Variants in INTS9 observed in about 807,000 individuals in gnomAD.
The protein encoded by INTS9 is integrator complex subunit 9.
In INTS9, 55 loss-of-function variants were observed where a neutral mutation model predicts 79.7. The observed-to-expected ratio is 0.69, with a 90% confidence interval of 0.56 to 0.86. The LOEUF (loss-of-function observed/expected upper bound fraction) is 0.86. Ranked by LOEUF, INTS9 falls within the 40% of genes least tolerant of loss-of-function variation. INTS9 has a pLI of 0.00. For missense variants in INTS9, 721 were observed against 831.5 expected, an observed-to-expected ratio of 0.87 and a Z score of 1.64; for synonymous variants, 319 against 325.2, an observed-to-expected ratio of 0.98 and a Z score of 0.20.
At chr8:28,862,559 T>C (rs1808516982) in intron 1 of INTS9, among the ~76,000 whole-genome samples, 1 of 152,242 alleles carries the variant, frequency 6.6e-6, no homozygotes, top group Admixed American at 6.5e-5. Context: ...TTTTTTAAGA[T>C]GATTCCCAGA....
chr8:28,835,267 G>C (rs370422330), intron 6 of INTS9, 25 bp downstream of exon 6: 40 of 1,542,692 alleles, frequency 2.6e-5, no homozygotes, highest in Non-Finnish European at 3.3e-5. Context: ...ACAGTCTCTC[G>C]GTAAGAGAGT....
chr8:28,868,012 A>G (rs1404822894), intron 1 of INTS9, among the ~76,000 whole-genome samples: 1 of 152,214 alleles, frequency 6.6e-6, no homozygotes, highest in Non-Finnish European at 1.5e-5. Flanking sequence ...CTGGACAGTG[A>G]GCTCCGGAAT....
At chr8:28,798,113 A>G (rs558649002) in intron 8 of INTS9, 1 of 152,382 alleles carries the variant, frequency 6.6e-6, no homozygotes, top group Admixed American at 6.5e-5. Flanking sequence ...TATTTGCACA[A>G]GTATATTCAC....
intron 6 of INTS9, among the ~76,000 whole-genome samples, chr8:28,833,113 T>G (rs979969465): frequency 6.6e-6 from 1 of 152,238 alleles, no homozygotes; most frequent in Non-Finnish European, 1.5e-5. Flanking sequence ...AGGAGACTCA[T>G]GCTCAAGCTC....
chr8:28,858,487 A>G (rs1276846649), intron 2 of INTS9, among the ~76,000 whole-genome samples: 1 of 152,226 alleles, frequency 6.6e-6, no homozygotes, highest in African/African-American at 2.4e-5. Context: ...TTTTTGGGCA[A>G]TATCTGTGGG....
At chr8:28,858,402 GA>G (rs1808286604) in intron 2 of INTS9, among the ~76,000 whole-genome samples, 1 of 152,026 alleles carries the variant, frequency 6.6e-6, no homozygotes, top group African/African-American at 2.4e-5. Context: ...CTCTCTGGGG[GA>G]AAAAGACAAT....
intron 1 of INTS9, among the ~76,000 whole-genome samples, chr8:28,882,532 T>TAAAAAAAAAAAAAAAAAAA (rs369293166): frequency 4.0e-4 from 25 of 63,266 alleles, no homozygotes; most frequent in East Asian, 1.3e-3. Flanking sequence ...TATTAACAGC[T>TAAAAAAAAAAAAAAAAAAA]AAAAAAAAAA....
chr8:28,805,667 G>A (rs1429302321), intron 8 of INTS9, among the ~76,000 whole-genome samples: 2 of 152,148 alleles, frequency 1.3e-5, no homozygotes, highest in Non-Finnish European at 2.9e-5. Flanking sequence ...AGGGGAGATA[G>A]GGGAGATGAG....
chr8:28,868,582 T>C (rs1563309606), intron 1 of INTS9, among the ~76,000 whole-genome samples: 1 of 152,238 alleles, frequency 6.6e-6, no homozygotes, highest in African/African-American at 2.4e-5. Context: ...CATAAAGTAC[T>C]AGTTCTAACT....
intron 8 of INTS9, among the ~76,000 whole-genome samples, chr8:28,803,947 A>C (rs1228355536): frequency 6.6e-6 from 1 of 152,172 alleles, no homozygotes; most frequent in Non-Finnish European, 1.5e-5. Context: ...ATTTTGAGAC[A>C]GGGTCTCACT....
intron 1 of INTS9, among the ~76,000 whole-genome samples, chr8:28,865,328 A>T (rs1355245484): frequency 6.6e-6 from 1 of 152,038 alleles, no homozygotes; most frequent in Non-Finnish European, 1.5e-5. Context: ...ATTTATAAAT[A>T]AACCTAGAAG....
At chr8:28,795,845 C>G (rs1260922412) in intron 9 of INTS9, among the ~76,000 whole-genome samples, 1 of 152,122 alleles carries the variant, frequency 6.6e-6, no homozygotes, top group Non-Finnish European at 1.5e-5. Context: ...CTAACTAAGA[C>G]AGTAACCAAC....
At chr8:28,880,247 TCCC>T (rs1809634085) in intron 1 of INTS9, among the ~76,000 whole-genome samples, 1 of 141,386 alleles carries the variant, frequency 7.1e-6, no homozygotes, top group African/African-American at 2.7e-5. Flanking sequence ...CCTCTCCCTC[TCCC>T]TCTCCCTCTC....
At chr8:28,775,992 T>C (rs1802853806) in intron 13 of INTS9, 66 bp from the exon 14 acceptor site, 5 of 1,304,930 alleles carry the variant, frequency 3.8e-6, no homozygotes, top group Non-Finnish European at 5.1e-6. Context: ...GGAAGGCCCA[T>C]TCCTGACCCC....
At chr8:28,861,632 T>C (rs1222241244) in intron 1 of INTS9, among the ~76,000 whole-genome samples, 1 of 152,244 alleles carries the variant, frequency 6.6e-6, no homozygotes, top group Non-Finnish European at 1.5e-5. Flanking sequence ...ACAGACAATT[T>C]AGCCAGCCAC....
intron 4 of INTS9, among the ~76,000 whole-genome samples, chr8:28,838,068 C>T (rs1319081324): frequency 1.3e-5 from 2 of 151,890 alleles, no homozygotes; most frequent in Non-Finnish European, 2.9e-5. Flanking sequence ...CAGCAGGACC[C>T]TTCGGCAGCT....
At chr8:28,787,338 T>A (rs1290424171) in intron 11 of INTS9, among the ~76,000 whole-genome samples, 2 of 152,212 alleles carry the variant, frequency 1.3e-5, no homozygotes, top group Non-Finnish European at 2.9e-5. Flanking sequence ...TGACAATACA[T>A]AAACCCAATT....
intron 2 of INTS9, among the ~76,000 whole-genome samples, chr8:28,858,888 T>A (rs1317275097): frequency 1.3e-5 from 2 of 152,258 alleles, no homozygotes; most frequent in African/African-American, 4.8e-5. Flanking sequence ...AGTAGTATGC[T>A]GGGAAACCAA....
At chr8:28,843,083 G>A (rs1807288678) in intron 4 of INTS9, among the ~76,000 whole-genome samples, 1 of 152,204 alleles carries the variant, frequency 6.6e-6, no homozygotes, top group African/African-American at 2.4e-5. Context: ...TCCCTTAGTG[G>A]CAAGGTACTT....
Sources: gnomAD v4.1 joint callset for allele counts (sites outside exome capture counted in the v4.1 genomes callset) on GRCh38, gnomAD v4.1.1 for gene constraint, MANE v1.5 for transcripts, NCBI Gene and HGNC (gene_info 2026-07-23, HGNC 2026-07-21) for gene names.